The following RP1 variants were observed in gnomAD, a reference collection of about 807,000 sequenced individuals.
The protein encoded by RP1 is oxygen-regulated protein 1.
Under a neutral mutation model 14.8 loss-of-function variants are expected in RP1, and 16 were observed. The observed-to-expected ratio is 1.08, with a 90% CI of 0.73 to 1.65. RP1 has a LOEUF of 1.65. Ranked by LOEUF, RP1 falls within the 40% of genes most tolerant of loss-of-function variation. The pLI, the probability that RP1 is intolerant of heterozygous loss-of-function variation, is 0.00. For synonymous variants in RP1, 876 were observed against 883.6 expected, an observed-to-expected ratio of 0.99 and a Z score of 0.15; for missense variants, 2,631 against 2,535.0, an observed-to-expected ratio of 1.04 and a Z score of -0.81.
At chr8:54,857,559 T>C (rs747686559) in intron 27 of RP1, among the ~76,000 whole-genome samples, 11 of 151,932 alleles carry the variant, frequency 7.2e-5, no homozygotes, top group Non-Finnish European at 1.0e-4. Context: ...TTTTGTCAGG[T>C]TGAGTTTATT....
chr8:54,580,300 CTTT>C (rs906806636), intron 1 of RP1, among the ~76,000 whole-genome samples: 13 of 80,198 alleles, frequency 1.6e-4, no homozygotes, highest in African/African-American at 4.8e-4. Context: ...TCGTAGACTT[CTTT>C]TTTTTTTTTT....
chr8:54,817,342 C>T (rs923837512), intron 24 of RP1, among the ~76,000 whole-genome samples: 4 of 152,050 alleles, frequency 2.6e-5, no homozygotes, highest in Non-Finnish European at 5.9e-5. Context: ...CTTGGGCATG[C>T]TTTTGGAGGA....
At chr8:54,753,789 G>C (rs1431575980) in intron 19 of RP1, among the ~76,000 whole-genome samples, 1 of 152,102 alleles carries the variant, frequency 6.6e-6, no homozygotes, top group Non-Finnish European at 1.5e-5. Flanking sequence ...TTTTAAAATA[G>C]TCTCTCTTGA....
At chr8:54,567,219 T>C (rs1344164783) in intron 1 of RP1, among the ~76,000 whole-genome samples, 2 of 152,222 alleles carry the variant, frequency 1.3e-5, no homozygotes, top group Non-Finnish European at 2.9e-5. Context: ...CCCAAATGCC[T>C]ATTTGACATG....
chr8:54,837,133 G>C (rs1453622916), intron 24 of RP1, among the ~76,000 whole-genome samples: 1 of 139,110 alleles, frequency 7.2e-6, no homozygotes, highest in African/African-American at 2.6e-5. Context: ...TTATTCTTCA[G>C]GTCTACCCAC....
At position 54,629,623 on chromosome 8, in the gene RP1, G is replaced by A; in HGVS notation, c.5741G>A (p.Cys1914Tyr). 6.2e-7 allele frequency: 1 copy of A among 1,613,942 alleles called. No homozygotes were observed. The highest frequency in any genetic ancestry group is 8.5e-7 in the Non-Finnish European group (1 of 1,179,998). The change falls in exon 4 of 4, where the codon TGT becomes TAT. Residue 1914 changes from cysteine (C) to tyrosine (Y), a missense_variant. Coordinates refer to ENST00000220676, the MANE Select transcript of RP1 (RefSeq NM_006269.2). ...ADSLDKLYAL[C>Y]GQHCPILTVI... ...TCTTTGGATAAACTGTATGCTCTTT[G>A]TGGTCAACATTGCCCAATACTAACT...
At chr8:54,771,909 G>T (rs1809918479), downstream of RP1, among the ~76,000 whole-genome samples, 1 of 152,050 alleles carries the variant, frequency 6.6e-6, no homozygotes. Context: ...GAAAGTATAT[G>T]AAGCACATGT....
chr8:54,723,901 T>G (rs2129351795), intron 16 of RP1, among the ~76,000 whole-genome samples: 1 of 152,334 alleles, frequency 6.6e-6, no homozygotes, highest in East Asian at 1.9e-4. Context: ...TTGCCTCCTC[T>G]TGCTCTAATT....
At chr8:54,622,953 T>C (rs1805922727) in intron 3 of RP1, among the ~76,000 whole-genome samples, 1 of 152,234 alleles carries the variant, frequency 6.6e-6, no homozygotes, top group Non-Finnish European at 1.5e-5. Context: ...CATTATTCAT[T>C]ATACTCAGTA....
chr8:54,786,535 G>C (rs1247300495), intron 24 of RP1, among the ~76,000 whole-genome samples: 4 of 151,924 alleles, frequency 2.6e-5, no homozygotes, highest in African/African-American at 7.3e-5. Context: ...GTGGTAGAGA[G>C]CAGATCAAAG....
At chr8:54,852,284 A>G (rs1208517071) in intron 25 of RP1, among the ~76,000 whole-genome samples, 3 of 152,220 alleles carry the variant, frequency 2.0e-5, no homozygotes, top group Non-Finnish European at 2.9e-5. Context: ...TTTTAAAAAA[A>G]TACATCTTTT....
At chr8:54,561,874 C>G (rs1364669056) in intron 1 of RP1, 1 of 152,078 alleles carries the variant, frequency 6.6e-6, no homozygotes, top group African/African-American at 2.4e-5. Context: ...CTGTGATATC[C>G]TGCATACAAT....
chr8:54,640,694 A>C (rs1806436779), intron 3 of RP1, among the ~76,000 whole-genome samples: 1 of 152,178 alleles, frequency 6.6e-6, no homozygotes, highest in Non-Finnish European at 1.5e-5. Context: ...TCTGTAAAGC[A>C]GTCCATCATT....
At chr8:54,818,341 A>T (rs1237304713) in intron 24 of RP1, among the ~76,000 whole-genome samples, 1 of 152,254 alleles carries the variant, frequency 6.6e-6, no homozygotes, top group African/African-American at 2.4e-5. Flanking sequence ...AATAAGCCTT[A>T]TGCTAATGAT....
chr8:54,745,934 A>G (rs1430283115), intron 19 of RP1, among the ~76,000 whole-genome samples: 1 of 152,196 alleles, frequency 6.6e-6, no homozygotes, highest in Non-Finnish European at 1.5e-5. Flanking sequence ...TTGATAGAAA[A>G]ATACTAGACG....
intron 7 of RP1, among the ~76,000 whole-genome samples, chr8:54,668,660 A>T (rs562701896): frequency 2.0e-5 from 3 of 152,216 alleles, no homozygotes; most frequent in Non-Finnish European, 4.4e-5. Context: ...ACAGCATGGT[A>T]CTGGTACCAA....
chr8:54,654,470 C>A (rs1226401737), intron 5 of RP1, among the ~76,000 whole-genome samples: 1 of 152,122 alleles, frequency 6.6e-6, no homozygotes, highest in Admixed American at 6.5e-5. Flanking sequence ...ATAATCAAAT[C>A]AGACAGTCTT....
At chr8:54,852,885 C>G (rs887761240) in intron 26 of RP1, among the ~76,000 whole-genome samples, 1 of 152,156 alleles carries the variant, frequency 6.6e-6, no homozygotes, top group Non-Finnish European at 1.5e-5. Context: ...TGTTATTGTT[C>G]TGGAGTTGAG....
chr8:54,776,319 G>A (rs191370289), intron 23 of RP1, among the ~76,000 whole-genome samples: 5 of 152,116 alleles, frequency 3.3e-5, no homozygotes, highest in East Asian at 3.9e-4. Flanking sequence ...CTCCTACCTC[G>A]GCTTCCTGAG....
Sources: gnomAD v4.1 joint callset for allele counts (sites outside exome capture counted in the v4.1 genomes callset) on GRCh38, gnomAD v4.1.1 for gene constraint, MANE v1.5 for transcripts, NCBI Gene and HGNC (gene_info 2026-07-23, HGNC 2026-07-21) for gene names.